BMP8B: variants seen among roughly 807,000 people sequenced by gnomAD.
The protein encoded by BMP8B is bone morphogenetic protein 8 (osteogenic protein 2).
BMP8B carries 17 observed loss-of-function variants against 30.3 expected under a neutral mutation model. That is an observed-to-expected ratio of 0.56 (90% CI 0.38 to 0.84). BMP8B has a LOEUF of 0.84. Among genes scored for constraint, BMP8B ranks in the 40% least tolerant of loss-of-function variants. BMP8B has a pLI of 0.00. For synonymous variants in BMP8B, 131 were observed against 214.7 expected, an observed-to-expected ratio of 0.61 and a Z score of 3.41; for missense variants, 253 against 494.6, an observed-to-expected ratio of 0.51 and a Z score of 4.63.
rs1649262793 is a variant in BMP8B at position 39,763,213 on chromosome 1, A to C, written c.949-11T>G. On this transcript the variant is annotated splice_polypyrimidine_tract_variant and intron_variant, in intron 5 of 6. Coordinates refer to ENST00000372827, the MANE Select transcript of BMP8B (RefSeq NM_001720.5). Reference sequence around the variant, plus strand: ...AGCGATGACCCAGTCCTGGGGGGCAAGGGAGAAGGTGAGTCCCATCCATGT... The same window carrying C: ...AGCGATGACCCAGTCCTGGGGGGCACGGGAGAAGGTGAGTCCCATCCATGT... 1.9e-6 allele frequency: 3 copies of C among 1,603,552 alleles called. No homozygotes were observed. The highest frequency in any genetic ancestry group is 2.6e-6 in the Non-Finnish European group (3 of 1,173,232).
Position 39,770,305 on chromosome 1 carries a change from A to G in BMP8B, c.673+4003T>C, listed in dbSNP as rs199751804. 1.6e-5 allele frequency: 25 copies of G among 1,581,782 alleles called. 2 individuals carry two copies. The highest frequency in any genetic ancestry group is 2.1e-5 in the Non-Finnish European group (24 of 1,169,006). ...CCAGCAGGGGGATGCCTATGCCCAG[A>G]TTGGCGTACATGCCGTCCTCAAATT... is the stretch of plus-strand genomic sequence containing the variant. On this transcript the variant is annotated intron_variant, in intron 3 of 6. Coordinates refer to ENST00000372827, the MANE Select transcript of BMP8B (RefSeq NM_001720.5).
chr1:39,762,363 AG>A (rs1052646554), intron 6 of BMP8B: 10 of 1,018,800 alleles, frequency 9.8e-6, no homozygotes, highest in Non-Finnish European at 8.3e-6. Flanking sequence ...GAACCTCCTA[AG>A]GGGAAAACAT....
intron 1 of BMP8B, among the ~76,000 whole-genome samples, chr1:39,784,501 T>C (rs2124509434): frequency 7.9e-6 from 1 of 126,708 alleles, no homozygotes; most frequent in East Asian, 2.4e-4. Flanking sequence ...ATGTATTATG[T>C]GTCTCTAGAC....
chr1:39,781,519 T>A (rs1047490879), intron 1 of BMP8B, among the ~76,000 whole-genome samples: 1 of 152,246 alleles, frequency 6.6e-6, no homozygotes, highest in African/African-American at 2.4e-5. Context: ...ATGAGGAAAC[T>A]GAGGCTCAGA....
intron 3 of BMP8B, among the ~76,000 whole-genome samples, chr1:39,771,550 C>T (rs1649981515): frequency 6.6e-6 from 1 of 151,684 alleles, no homozygotes; most frequent in Non-Finnish European, 1.5e-5. Context: ...CCTCCTGCCC[C>T]AGTGGAGCCT....
At position 39,763,748 on chromosome 1, in the gene BMP8B, G is replaced by A. The variant is rs369945946; in HGVS notation, c.912C>T (p.His304=). 91 of 1,603,896 alleles carry A rather than the reference G, an allele frequency of 5.7e-5. No homozygotes were observed. Among genetic ancestry groups the A allele is most frequent in the Admixed American group, 1.2e-4 (7 of 59,744 alleles). Residue 304 remains histidine (H), a synonymous_variant, in exon 5 of 7, where the codon CAC becomes CAT. Transcript: ENST00000372827. ...GGTCCTGGAAGCTGACGTAGAGCTCGTGCCGACGGCAGACCTGCCGGCCGT... is the reference window on the plus strand; with the variant it reads ...GGTCCTGGAAGCTGACGTAGAGCTCATGCCGACGGCAGACCTGCCGGCCGT... ...GSHGRQVCRR[H]ELYVSFQDLG...
chr1:39,760,717 A>C (rs1281713873), intron 6 of BMP8B, 149 bp from the exon 7 acceptor site: 5 of 1,152,144 alleles, frequency 4.3e-6, no homozygotes, highest in Non-Finnish European at 6.0e-6. Context: ...ATTAACAGGA[A>C]TAAGAGCAGT....
chr1:39,760,612 C>G, intron 6 of BMP8B, 44 bp from the exon 7 acceptor site: 1 of 1,595,512 alleles, frequency 6.3e-7, no homozygotes, highest in Non-Finnish European at 8.5e-7. Flanking sequence ...GCCCAGTGGC[C>G]TCCTCCAAGG....
At chr1:39,782,882 C>A (rs1379637580) in intron 1 of BMP8B, among the ~76,000 whole-genome samples, 1 of 152,168 alleles carries the variant, frequency 6.6e-6, no homozygotes, top group Non-Finnish European at 1.5e-5. Flanking sequence ...CAACCTCCAT[C>A]TCCCAGGTTC....
chr1:39,763,839 G>A, intron 4 of BMP8B, 48 bp from the exon 5 acceptor site: 1 of 1,579,796 alleles, frequency 6.3e-7, no homozygotes, highest in Non-Finnish European at 8.6e-7. Flanking sequence ...CCTACTGTGT[G>A]CAGCTACTAT....
chr1:39,761,895 TTGC>T, intron 6 of BMP8B, among the ~76,000 whole-genome samples: 1 of 152,330 alleles, frequency 6.6e-6, no homozygotes, highest in Admixed American at 6.5e-5. Context: ...GCCTGTCTGT[TTGC>T]TGCCCAGCAG....
chr1:39,786,547 G>A (rs1428492080), intron 1 of BMP8B, among the ~76,000 whole-genome samples: 2 of 152,226 alleles, frequency 1.3e-5, no homozygotes, highest in Admixed American at 1.3e-4. Context: ...TGCATGCCTT[G>A]ACCCAGGGGA....
At chr1:39,776,044 C>T (rs1378564797) in intron 1 of BMP8B, among the ~76,000 whole-genome samples, 3 of 152,284 alleles carry the variant, frequency 2.0e-5, no homozygotes, top group Non-Finnish European at 4.4e-5. Context: ...GCTGAGGGTG[C>T]GAATCCCGGG....
chr1:39,775,898 G>A (rs1178844929), intron 1 of BMP8B, among the ~76,000 whole-genome samples: 3 of 151,688 alleles, frequency 2.0e-5, no homozygotes, highest in Non-Finnish European at 4.4e-5. Flanking sequence ...GCTTTGAAGG[G>A]TGGGATGGGT....
intron 1 of BMP8B, among the ~76,000 whole-genome samples, chr1:39,777,486 T>C (rs993608158): frequency 2.0e-5 from 3 of 152,200 alleles, no homozygotes; most frequent in Non-Finnish European, 2.9e-5. Context: ...GGAAAGGCCC[T>C]GTGGGCAGAA....
At chr1:39,778,995 GA>G (rs1343536361) in intron 1 of BMP8B, among the ~76,000 whole-genome samples, 1 of 152,214 alleles carries the variant, frequency 6.6e-6, no homozygotes, top group Non-Finnish European at 1.5e-5. Flanking sequence ...TGAGGCCAAG[GA>G]GGGACAGAGG....
intron 1 of BMP8B, among the ~76,000 whole-genome samples, chr1:39,781,856 C>T (rs955271498): frequency 6.6e-6 from 1 of 152,096 alleles, no homozygotes; most frequent in African/African-American, 2.4e-5. Flanking sequence ...TAGGCCCAGT[C>T]AATCAATACC....
chr1:39,780,617 C>T (rs572193310), intron 1 of BMP8B, among the ~76,000 whole-genome samples: 7 of 152,348 alleles, frequency 4.6e-5, no homozygotes, highest in Admixed American at 2.6e-4. Context: ...AGAGGCCAGG[C>T]GCAGTGGCTC....
intron 1 of BMP8B, among the ~76,000 whole-genome samples, chr1:39,777,281 A>G (rs778787438): frequency 3.3e-5 from 5 of 152,260 alleles, no homozygotes; most frequent in Non-Finnish European, 7.3e-5. Context: ...AAATCATAAA[A>G]GCTGCCCCAA....
Sources: gnomAD v4.1 joint callset for allele counts (sites outside exome capture counted in the v4.1 genomes callset) on GRCh38, gnomAD v4.1.1 for gene constraint, MANE v1.5 for transcripts, NCBI Gene and HGNC (gene_info 2026-07-23, HGNC 2026-07-21) for gene names.